PRSS3: variants seen among roughly 807,000 people sequenced by gnomAD.
The protein encoded by PRSS3 is serine protease 3.
PRSS3 carries 14 observed loss-of-function variants against 20.8 expected under a neutral mutation model. The observed-to-expected ratio is 0.67, with a 90% CI of 0.44 to 1.05. PRSS3 has a LOEUF of 1.05. Among genes scored for constraint, PRSS3 ranks in the 50% least tolerant of loss-of-function variants. The pLI is 0.00. For synonymous variants in PRSS3, 91 were observed against 117.6 expected (o/e 0.77, Z 1.46); for missense variants, 237 against 306.4 (o/e 0.77, Z 1.69).
intron 1 of PRSS3, among the ~76,000 whole-genome samples, chr9:33,778,769 G>C (rs1824049795): frequency 6.6e-6 from 1 of 152,140 alleles, no homozygotes; most frequent in Non-Finnish European, 1.5e-5. Context: ...AAGAAATGCA[G>C]GTGCAGTGCC....
intron 1 of PRSS3, among the ~76,000 whole-genome samples, chr9:33,779,108 G>A (rs1396790221): frequency 6.6e-6 from 1 of 152,082 alleles, no homozygotes; most frequent in Non-Finnish European, 1.5e-5. Context: ...AACTTACCCC[G>A]CAGTTAAAGG....
chr9:33,764,031 CT>C (rs1282092839), intron 1 of PRSS3, among the ~76,000 whole-genome samples: 1 of 152,170 alleles, frequency 6.6e-6, no homozygotes, highest in African/African-American at 2.4e-5. Flanking sequence ...AATCAGTCTT[CT>C]GATTCACAGT....
intron 1 of PRSS3, among the ~76,000 whole-genome samples, chr9:33,782,067 T>G (rs1824206693): frequency 6.6e-6 from 1 of 152,236 alleles, no homozygotes; most frequent in Admixed American, 6.5e-5. Context: ...TGTAGAGGTC[T>G]TCTTCAGGTG....
At chr9:33,761,784 C>G (rs1823218889) in intron 1 of PRSS3, among the ~76,000 whole-genome samples, 1 of 152,086 alleles carries the variant, frequency 6.6e-6, no homozygotes, top group South Asian at 2.1e-4. Context: ...GAAGCTGAGG[C>G]AGGAGGATCA....
chr9:33,756,737 A>G (rs1007147324), intron 1 of PRSS3, among the ~76,000 whole-genome samples: 6 of 152,158 alleles, frequency 3.9e-5, no homozygotes, highest in African/African-American at 1.4e-4. Context: ...TCCTGTTCTC[A>G]TTTCATGAAT....
At chr9:33,798,702 G>T (rs1825162879) in intron 4 of PRSS3, 80 bp downstream of exon 4, 13 of 1,606,376 alleles carry the variant, frequency 8.1e-6, no homozygotes, top group Admixed American at 3.3e-5. Context: ...CTCCCAAGGT[G>T]GCAGGGCTGA....
chr9:33,763,698 CAAA>C (rs370849434), intron 1 of PRSS3, among the ~76,000 whole-genome samples: 6 of 78,988 alleles, frequency 7.6e-5, no homozygotes, highest in Admixed American at 1.4e-4. Context: ...GACTCTGTCT[CAAA>C]AAAAAAAAAA....
intron 1 of PRSS3, 107 bp downstream of exon 1, chr9:33,795,720 T>C: frequency 1.5e-6 from 2 of 1,366,816 alleles, no homozygotes; most frequent in Non-Finnish European, 2.1e-6. Flanking sequence ...TGATATTCTA[T>C]TTCCTCCATC....
chr9:33,795,724 C>A, intron 1 of PRSS3, 111 bp downstream of exon 1: 2 of 1,326,506 alleles, frequency 1.5e-6, no homozygotes, highest in Non-Finnish European at 2.2e-6. Flanking sequence ...ATTCTATTTC[C>A]TCCATCTGAC....
At chr9:33,754,968 T>A (rs1384964477) in intron 1 of PRSS3, among the ~76,000 whole-genome samples, 1 of 152,200 alleles carries the variant, frequency 6.6e-6, no homozygotes, top group Non-Finnish European at 1.5e-5. Flanking sequence ...TAGGTTGTTA[T>A]TTGTTTTGGT....
At chr9:33,791,942 G>C (rs1454790469), upstream of PRSS3, among the ~76,000 whole-genome samples, 1 of 152,076 alleles carries the variant, frequency 6.6e-6, no homozygotes, top group Non-Finnish European at 1.5e-5. Flanking sequence ...GCAAGGGGCA[G>C]GCAAGAGGAG....
chr9:33,772,271 A>T (rs1191684151), intron 1 of PRSS3, among the ~76,000 whole-genome samples: 1 of 152,212 alleles, frequency 6.6e-6, no homozygotes, highest in Non-Finnish European at 1.5e-5. Context: ...TCCCTTCAGG[A>T]CTTAAAGGGC....
intron 1 of PRSS3, chr9:33,786,681 C>T (rs1414885621): frequency 1.3e-6 from 1 of 766,382 alleles, no homozygotes; most frequent in Non-Finnish European, 2.4e-6. Context: ...CTGATTGCAA[C>T]TGCAAATCAG....
At chr9:33,794,185 G>C (rs1045897086), upstream of PRSS3, among the ~76,000 whole-genome samples, 1 of 129,528 alleles carries the variant, frequency 7.7e-6, no homozygotes, top group East Asian at 2.1e-4. Flanking sequence ...ATCTCAACAC[G>C]AAGTTTCTGA....
intron 1 of PRSS3, among the ~76,000 whole-genome samples, chr9:33,782,150 G>A (rs1035401980): frequency 1.3e-5 from 2 of 152,208 alleles, no homozygotes; most frequent in Non-Finnish European, 2.9e-5. Flanking sequence ...TGAGTACCCA[G>A]TGAGTTTCCA....
At chr9:33,794,985 G>C, upstream of PRSS3, 4 of 1,426,128 alleles carry the variant, frequency 2.8e-6, no homozygotes, top group South Asian at 5.7e-5. Context: ...GGAATGCTAA[G>C]TCTCCCTTCT....
chr9:33,780,657 C>T (rs1022150906), intron 1 of PRSS3, among the ~76,000 whole-genome samples: 1 of 152,076 alleles, frequency 6.6e-6, no homozygotes, highest in Admixed American at 6.6e-5. Context: ...TTCAAGAGAC[C>T]CATCTCACAT....
At chr9:33,780,637 C>T (rs1392989057) in intron 1 of PRSS3, among the ~76,000 whole-genome samples, 1 of 152,106 alleles carries the variant, frequency 6.6e-6, no homozygotes, top group Non-Finnish European at 1.5e-5. Flanking sequence ...AAGACCCAAC[C>T]ATCACTGCCT....
At chr9:33,772,046 A>AT in intron 1 of PRSS3, among the ~76,000 whole-genome samples, 1 of 151,150 alleles carries the variant, frequency 6.6e-6, no homozygotes, top group Admixed American at 6.6e-5. Context: ...TCATTTTTGC[A>AT]TTTTTAGTAG....
Sources: allele counts gnomAD v4.1 joint callset (sites outside exome capture counted in the v4.1 genomes callset), GRCh38; gene constraint gnomAD v4.1.1; transcripts MANE v1.5; gene names NCBI Gene and HGNC (gene_info 2026-07-23, HGNC 2026-07-21).